SLC22A24: variants seen among roughly 807,000 people sequenced by gnomAD.
SLC22A24 encodes solute carrier family 22 member 24.
SLC22A24 carries 53 observed loss-of-function variants against 49.8 expected under a neutral mutation model. The ratio of observed to expected loss-of-function variants is 1.06; its 90% confidence interval spans 0.85 to 1.34. The LOEUF is 1.34. Ranked by LOEUF, SLC22A24 falls within the 40% of genes most tolerant of loss-of-function variation. SLC22A24 has a pLI of 0.00. For synonymous variants in SLC22A24, 302 were observed against 256.4 expected, an observed-to-expected ratio of 1.18 and a Z score of -1.70; for missense variants, 786 against 675.9, an observed-to-expected ratio of 1.16 and a Z score of -1.81.
At chr11:63,087,639 C>T (rs11231347) in intron 6 of SLC22A24, among the ~76,000 whole-genome samples, 17,861 of 152,232 alleles carry the variant, frequency 0.12, 1,174 homozygotes, top group Middle Eastern at 0.16. Flanking sequence ...CTCAGTGAGT[C>T]CCACTCCCAT....
intron 4 of SLC22A24, chr11:63,118,456 CTGTCAAGT>C (rs2087227348): frequency 5.3e-6 from 1 of 186,942 alleles, no homozygotes; most frequent in South Asian, 1.8e-4. Context: ...AGATCCTACT[CTGTCAAGT>C]TCCCTGAAGT....
chr11:63,143,864 A>G lies in SLC22A24; in HGVS notation c.-85T>C. On this transcript the variant is annotated 5_prime_UTR_variant, in exon 1 of 10. Transcript: ENST00000612278. ...AGGGAGAAAATGTCCCCTTTCACAA[A>G]GTTACCATAGTGCCATGTGGATCCT... 1 of 1,142,176 alleles carries G rather than the reference A, an allele frequency of 8.8e-7. No homozygotes were observed. Among genetic ancestry groups the G allele is most frequent in the Non-Finnish European group, 1.1e-6 (1 of 884,932 alleles). 70.8% of individuals were successfully genotyped at this position (1,142,176 alleles called of 1,614,324 possible).
intron 1 of SLC22A24, among the ~76,000 whole-genome samples, chr11:63,139,627 T>A (rs1279052655): frequency 6.6e-6 from 1 of 152,152 alleles, no homozygotes; most frequent in Non-Finnish European, 1.5e-5. Context: ...ATGGGCTGAT[T>A]GTCTGGGTTG....
chr11:63,123,232 A>G (rs1293181408), intron 2 of SLC22A24, among the ~76,000 whole-genome samples: 1 of 152,188 alleles, frequency 6.6e-6, no homozygotes, highest in Non-Finnish European at 1.5e-5. Context: ...CACATAATGA[A>G]TACAGGGTAA....
At chr11:63,137,342 A>G (rs2134684069) in intron 1 of SLC22A24, among the ~76,000 whole-genome samples, 1 of 152,214 alleles carries the variant, frequency 6.6e-6, no homozygotes, top group South Asian at 2.1e-4. Flanking sequence ...GTGTGTTTGT[A>G]TATGTGAAAG....
intron 4 of SLC22A24, among the ~76,000 whole-genome samples, chr11:63,111,556 C>A (rs548521631): frequency 2.0e-5 from 3 of 152,090 alleles, no homozygotes; most frequent in Admixed American, 1.3e-4. Flanking sequence ...AGAGATTCAA[C>A]TTCTTCCTGG....
At chr11:63,110,821 C>T (rs1258443941) in intron 4 of SLC22A24, among the ~76,000 whole-genome samples, 1 of 141,802 alleles carries the variant, frequency 7.1e-6, no homozygotes, top group Non-Finnish European at 1.6e-5. Flanking sequence ...TCCTCTTTTC[C>T]TAATTGAATA....
chr11:63,141,117 CG>C (rs1324536850), intron 1 of SLC22A24, among the ~76,000 whole-genome samples: 6 of 151,994 alleles, frequency 3.9e-5, no homozygotes, highest in Non-Finnish European at 1.5e-5. Flanking sequence ...AATTGTAAAG[CG>C]TTCTAAAAAG....
chr11:63,087,059 G>C (rs142426943), intron 6 of SLC22A24, among the ~76,000 whole-genome samples: 25 of 61,650 alleles, frequency 4.1e-4, no homozygotes, highest in African/African-American at 8.7e-4. Context: ...CACACACACA[G>C]AGGGAGAGAG....
chr11:63,105,278 C>A (rs926051997), intron 4 of SLC22A24, among the ~76,000 whole-genome samples: 1 of 152,082 alleles, frequency 6.6e-6, no homozygotes, highest in Non-Finnish European at 1.5e-5. Context: ...ATCTACAGTT[C>A]GGGGATCCAG....
intron 2 of SLC22A24, among the ~76,000 whole-genome samples, chr11:63,125,677 G>A (rs774002366): frequency 1.3e-5 from 2 of 152,132 alleles, no homozygotes; most frequent in Non-Finnish European, 2.9e-5. Context: ...ATACCCAGTA[G>A]TAGGATTCTG....
chr11:63,109,904 A>G (rs1167391668), intron 4 of SLC22A24, among the ~76,000 whole-genome samples: 2 of 151,996 alleles, frequency 1.3e-5, no homozygotes, highest in Non-Finnish European at 2.9e-5. Context: ...TTGGTGTTTT[A>G]GACATGAGGT....
chr11:63,084,276 A>G (rs931558125), intron 6 of SLC22A24, among the ~76,000 whole-genome samples: 2 of 152,170 alleles, frequency 1.3e-5, no homozygotes, highest in African/African-American at 4.8e-5. Context: ...TTAAATCATC[A>G]GAATTGAGAT....
chr11:63,136,971 G>T (rs1187334978), intron 1 of SLC22A24, among the ~76,000 whole-genome samples: 1 of 152,118 alleles, frequency 6.6e-6, no homozygotes, highest in African/African-American at 2.4e-5. Flanking sequence ...GCCTCAATGT[G>T]GTGTGTCTGC....
At chr11:63,100,371 G>T (rs1036990813) in intron 5 of SLC22A24, among the ~76,000 whole-genome samples, 11 of 151,998 alleles carry the variant, frequency 7.2e-5, no homozygotes, top group African/African-American at 2.4e-4. Context: ...AGAAGTGAAA[G>T]AGCTCTACAA....
chr11:63,135,614 A>C (rs1273352778), intron 1 of SLC22A24, among the ~76,000 whole-genome samples: 8 of 152,254 alleles, frequency 5.3e-5, no homozygotes, highest in Non-Finnish European at 1.2e-4. Flanking sequence ...TTATGTTATC[A>C]GTCATTGCAA....
intron 2 of SLC22A24, among the ~76,000 whole-genome samples, chr11:63,133,191 G>C (rs1285632460): frequency 6.6e-6 from 1 of 152,170 alleles, no homozygotes; most frequent in African/African-American, 2.4e-5. Flanking sequence ...TTGGTCAGGA[G>C]TGTACTGTTT....
At chr11:63,083,010 T>C (rs1033018538) in intron 7 of SLC22A24, among the ~76,000 whole-genome samples, 4 of 152,218 alleles carry the variant, frequency 2.6e-5, no homozygotes, top group African/African-American at 9.7e-5. Flanking sequence ...ATCTTGGCTG[T>C]GATGAAGACA....
intron 2 of SLC22A24, among the ~76,000 whole-genome samples, chr11:63,125,863 G>C (rs2087286695): frequency 6.6e-6 from 1 of 152,192 alleles, no homozygotes; most frequent in Non-Finnish European, 1.5e-5. Flanking sequence ...ACTGGTGTGA[G>C]ATGGTATCTC....
Sources: gnomAD v4.1 joint callset for allele counts (sites outside exome capture counted in the v4.1 genomes callset) on GRCh38, gnomAD v4.1.1 for gene constraint, MANE v1.5 for transcripts, NCBI Gene and HGNC (gene_info 2026-07-23, HGNC 2026-07-21) for gene names.